The following FIG4 variants were observed in gnomAD, a reference collection of about 807,000 sequenced individuals.
FIG4 encodes the protein FIG4 phosphoinositide 5-phosphatase.
Under a neutral mutation model 118.6 loss-of-function variants are expected in FIG4, and 112 were observed. That is an observed-to-expected ratio of 0.94 (90% CI 0.81 to 1.11). The LOEUF (loss-of-function observed/expected upper bound fraction) is 1.11, where lower values mean the gene tolerates loss of function less well. FIG4 is among the 50% of genes least tolerant of loss of function. The pLI is 0.00. For synonymous variants in FIG4, 369 were observed against 381.2 expected (o/e 0.97, Z 0.37); for missense variants, 969 against 1,111.7 (o/e 0.87, Z 1.83).
intron 1 of FIG4, among the ~76,000 whole-genome samples, chr6:109,711,262 C>T (rs902271598): frequency 7.2e-5 from 11 of 152,064 alleles, no homozygotes; most frequent in African/African-American, 1.9e-4. Flanking sequence ...ATTAGCTGGA[C>T]GTGGTGGCAG....
At chr6:109,777,155 T>C (rs1390054972) in intron 16 of FIG4, 95 bp downstream of exon 16, 7 of 1,199,826 alleles carry the variant, frequency 5.8e-6, no homozygotes, top group Non-Finnish European at 8.3e-6. Context: ...GCTAAAATAG[T>C]CAGTTTTATT....
chr6:109,792,470 C>T, intron 20 of FIG4, 112 bp from the exon 21 acceptor site: 1 of 711,932 alleles, frequency 1.4e-6, no homozygotes, highest in South Asian at 1.6e-5. Flanking sequence ...TAAAGAAGCA[C>T]TGTGATTGCT....
At chr6:109,805,945 C>T (rs1453535142) in intron 22 of FIG4, among the ~76,000 whole-genome samples, 2 of 151,960 alleles carry the variant, frequency 1.3e-5, no homozygotes, top group African/African-American at 4.8e-5. Flanking sequence ...CTAGGAAAAT[C>T]GTTCTGATAA....
At chr6:109,754,646 A>T (rs969927088) in intron 10 of FIG4, among the ~76,000 whole-genome samples, 2 of 152,138 alleles carry the variant, frequency 1.3e-5, no homozygotes, top group South Asian at 4.2e-4. Context: ...CAGAGATTCA[A>T]CTTCTTCCTG....
intron 4 of FIG4, 148 bp from the exon 5 acceptor site, chr6:109,732,489 T>G: frequency 1.6e-6 from 1 of 633,238 alleles, no homozygotes; most frequent in Non-Finnish European, 2.8e-6. Flanking sequence ...AGAATTGCTT[T>G]GGATGTAATC....
intron 1 of FIG4, among the ~76,000 whole-genome samples, chr6:109,704,908 A>G (rs147326941): frequency 2.8e-3 from 429 of 152,202 alleles, no homozygotes; most frequent in African/African-American, 9.9e-3. Context: ...TATATATTGT[A>G]TTGATGATAT....
intron 20 of FIG4, among the ~76,000 whole-genome samples, chr6:109,792,240 C>T (rs751823504): frequency 2.0e-5 from 3 of 152,220 alleles, no homozygotes; most frequent in Non-Finnish European, 2.9e-5. Context: ...TGCACTATAA[C>T]AGCAGAGCTG....
intron 3 of FIG4, among the ~76,000 whole-genome samples, chr6:109,720,407 A>T (rs1474151525): frequency 6.6e-6 from 1 of 152,248 alleles, no homozygotes; most frequent in African/African-American, 2.4e-5. Flanking sequence ...CTTTTTGAAC[A>T]TGCTGAATTG....
chr6:109,749,055 C>CTGTGGGTGTGTG (rs1776601877), intron 10 of FIG4, among the ~76,000 whole-genome samples: 1 of 132,398 alleles, frequency 7.6e-6, no homozygotes, highest in Non-Finnish European at 1.6e-5. Flanking sequence ...CAAAGGAGCT[C>CTGTGGGTGTGTG]TGTGTGTGTG....
rs546401791 is a variant in FIG4 at position 109,781,574 on chromosome 6, G to A, written c.1890-3396G>A. Among the ~76,000 whole-genome samples, 12 of 151,772 alleles carry A rather than the reference G, an allele frequency of 7.9e-5. No individual in the cohort carries two copies. The South Asian group carries it at 2.5e-3, about 32-fold the overall frequency. On this transcript the variant is annotated intron_variant, in intron 16 of 22. Coordinates refer to ENST00000230124, the MANE Select transcript of FIG4 (RefSeq NM_014845.6). ...CATTGATAAGCATAAGGTCACACCA[G>A]CCATCCTCAGCATTGCCATCACAGT...
intron 21 of FIG4, among the ~76,000 whole-genome samples, chr6:109,795,300 A>G (rs1158793146): frequency 2.6e-5 from 4 of 151,536 alleles, no homozygotes; most frequent in Non-Finnish European, 5.9e-5. Context: ...CACCTGATTT[A>G]AGAAGTTTAA....
At chr6:109,738,550 C>A in intron 7 of FIG4, 97 bp downstream of exon 7, 2 of 1,145,924 alleles carry the variant, frequency 1.7e-6, no homozygotes, top group Non-Finnish European at 2.6e-6. Context: ...TATAATACCA[C>A]TCTGTGCACC....
At chr6:109,713,286 G>A (rs1775325554) in intron 1 of FIG4, among the ~76,000 whole-genome samples, 1 of 152,246 alleles carries the variant, frequency 6.6e-6, no homozygotes, top group African/African-American at 2.4e-5. Context: ...GGCATTCACA[G>A]CAGCAGCAGA....
At chr6:109,820,586 A>T (rs1286081012) in intron 22 of FIG4, among the ~76,000 whole-genome samples, 3 of 152,154 alleles carry the variant, frequency 2.0e-5, no homozygotes, top group Non-Finnish European at 4.4e-5. Context: ...GATCTCCAGA[A>T]CAAGGAAAAT....
intron 1 of FIG4, among the ~76,000 whole-genome samples, chr6:109,701,407 GC>G (rs1168492609): frequency 6.6e-6 from 1 of 152,188 alleles, no homozygotes; most frequent in African/African-American, 2.4e-5. Flanking sequence ...ATTGCAGTTT[GC>G]CTTTACAAGA....
chr6:109,798,420 C>T (rs1252080579), intron 22 of FIG4, among the ~76,000 whole-genome samples: 1 of 152,164 alleles, frequency 6.6e-6, no homozygotes, highest in African/African-American at 2.4e-5. Flanking sequence ...TTTAAAGCTG[C>T]CATTCACTGA....
intron 22 of FIG4, among the ~76,000 whole-genome samples, chr6:109,809,931 C>T (rs532920684): frequency 1.3e-5 from 2 of 152,290 alleles, no homozygotes; most frequent in South Asian, 4.1e-4. Flanking sequence ...TTTTCCATCT[C>T]TCTGCTCCCC....
intron 10 of FIG4, among the ~76,000 whole-genome samples, chr6:109,752,602 T>G (rs1047551680): frequency 1.3e-5 from 2 of 152,212 alleles, no homozygotes; most frequent in African/African-American, 4.8e-5. Context: ...ATGATGAGCA[T>G]TTTTTCATGT....
intron 16 of FIG4, among the ~76,000 whole-genome samples, chr6:109,781,578 TC>T (rs948573428): frequency 2.0e-5 from 3 of 151,662 alleles, no homozygotes; most frequent in Non-Finnish European, 4.4e-5. Context: ...ACACCAGCCA[TC>T]CTCAGCATTG....
Sources: allele counts gnomAD v4.1 joint callset (sites outside exome capture counted in the v4.1 genomes callset), GRCh38; gene constraint gnomAD v4.1.1; transcripts MANE v1.5; gene names NCBI Gene and HGNC (gene_info 2026-07-23, HGNC 2026-07-21).